Variants in KIAA1328 observed in about 807,000 individuals in gnomAD.
The protein encoded by KIAA1328 is protein hinderin.
A neutral mutation model predicts 68.1 loss-of-function variants in KIAA1328; 52 were observed. The observed-to-expected ratio is 0.76, with a 90% confidence interval of 0.61 to 0.96. The LOEUF (loss-of-function observed/expected upper bound fraction) is 0.96. Ranked by LOEUF, KIAA1328 falls within the 40% of genes least tolerant of loss-of-function variation. The pLI is 0.00. For missense variants in KIAA1328, 641 were observed against 677.6 expected, an observed-to-expected ratio of 0.95 and a Z score of 0.60; for synonymous variants, 232 against 239.4, an observed-to-expected ratio of 0.97 and a Z score of 0.28.
intron 5 of KIAA1328, among the ~76,000 whole-genome samples, chr18:36,897,081 T>C (rs1331641476): frequency 6.6e-6 from 1 of 152,110 alleles, no homozygotes; most frequent in Admixed American, 6.6e-5. Context: ...AAGTAGTGAA[T>C]ATAATTATGC....
In KIAA1328 at chr18:37,101,411, GTA is replaced by G. The variant is rs1262098295; in HGVS notation, c.1232+33868_1232+33869del. ...CCGATTCGATCAACTGGAAGAAAGG[GTA>G]TCAGTGATGGAAGATCAAATGAATG... On this transcript the variant is annotated intron_variant, in intron 7 of 9. Coordinates refer to ENST00000280020, the MANE Select transcript of KIAA1328 (RefSeq NM_020776.3). Among the ~76,000 whole-genome samples, 6 of 152,274 alleles carry G rather than the reference GTA, an allele frequency of 3.9e-5. No homozygotes were observed. In the East Asian group the frequency reaches 1.2e-3, roughly 29 times the overall value.
At chr18:37,142,486 G>A (rs1007330232) in intron 7 of KIAA1328, among the ~76,000 whole-genome samples, 3 of 152,016 alleles carry the variant, frequency 2.0e-5, no homozygotes, top group African/African-American at 7.2e-5. Flanking sequence ...GTGAGCTACC[G>A]CACCCAGCCC....
At chr18:36,972,939 T>C (rs1035192675) in intron 6 of KIAA1328, among the ~76,000 whole-genome samples, 5 of 152,254 alleles carry the variant, frequency 3.3e-5, no homozygotes, top group African/African-American at 1.2e-4. Flanking sequence ...TGTTCAGTTA[T>C]CTAAAGTTTT....
At chr18:37,182,107 G>A (rs2059710238) in intron 9 of KIAA1328, among the ~76,000 whole-genome samples, 1 of 152,154 alleles carries the variant, frequency 6.6e-6, no homozygotes, top group South Asian at 2.1e-4. Context: ...CATCTGTTCA[G>A]TATTGCCAGT....
intron 9 of KIAA1328, among the ~76,000 whole-genome samples, chr18:37,175,990 A>T (rs1479722853): frequency 1.3e-5 from 2 of 152,216 alleles, no homozygotes; most frequent in African/African-American, 4.8e-5. Flanking sequence ...GGTGTGGCAG[A>T]GTCATCTTTC....
At chr18:36,941,718 T>TA (rs1188828536) in intron 5 of KIAA1328, among the ~76,000 whole-genome samples, 1 of 152,204 alleles carries the variant, frequency 6.6e-6, no homozygotes, top group African/African-American at 2.4e-5. Context: ...TTTTGATATT[T>TA]ATTCATAATT....
At chr18:37,179,240 T>C (rs890320497) in intron 9 of KIAA1328, among the ~76,000 whole-genome samples, 14 of 152,338 alleles carry the variant, frequency 9.2e-5, no homozygotes, top group Middle Eastern at 6.8e-3. Context: ...TGATTTGATT[T>C]TTGTATCTGA....
chr18:36,941,061 A>G (rs2050692940), intron 5 of KIAA1328, among the ~76,000 whole-genome samples: 1 of 152,052 alleles, frequency 6.6e-6, no homozygotes, highest in Non-Finnish European at 1.5e-5. Flanking sequence ...CCATTTTTTG[A>G]GTCAGTTGGA....
Position 37,223,757 on chromosome 18 carries a change from G to A in KIAA1328, c.*1530G>A, listed in dbSNP as rs557578591. On this transcript the variant is annotated 3_prime_UTR_variant, in exon 10 of 10. Coordinates refer to ENST00000280020, the MANE Select transcript of KIAA1328 (RefSeq NM_020776.3). Reference sequence around the variant, plus strand: ...GTTGAGCAGCCTCCTTATCCAGATAGATCCAAAGCTCATGTCTCTTCAGGC... The same window carrying A: ...GTTGAGCAGCCTCCTTATCCAGATAAATCCAAAGCTCATGTCTCTTCAGGC... 1.0e-6 allele frequency: 1 copy of A among 985,346 alleles called. No individual in the cohort carries two copies. The highest frequency in any genetic ancestry group is 4.7e-5 in the South Asian group (1 of 21,274). 61.0% of individuals were successfully genotyped at this position (985,346 alleles called of 1,614,324 possible).
At chr18:37,112,947 G>A (rs1017064336) in intron 7 of KIAA1328, among the ~76,000 whole-genome samples, 1 of 152,126 alleles carries the variant, frequency 6.6e-6, no homozygotes, top group African/African-American at 2.4e-5. Context: ...AGTGAGAAGA[G>A]AAGTTTAGAG....
chr18:37,061,911 A>C (rs143631449), intron 6 of KIAA1328, among the ~76,000 whole-genome samples: 1 of 152,286 alleles, frequency 6.6e-6, no homozygotes, highest in African/African-American at 2.4e-5. Flanking sequence ...GTGCATACAG[A>C]GTGATAAATA....
At chr18:36,872,409 T>C (rs2047979077) in intron 4 of KIAA1328, among the ~76,000 whole-genome samples, 1 of 152,108 alleles carries the variant, frequency 6.6e-6, no homozygotes, top group South Asian at 2.1e-4. Flanking sequence ...ACTCATTAGA[T>C]GGACCCTCTA....
intron 7 of KIAA1328, among the ~76,000 whole-genome samples, chr18:37,159,387 A>G (rs2059227232): frequency 6.6e-6 from 1 of 152,114 alleles, no homozygotes; most frequent in Admixed American, 6.6e-5. Context: ...TTGTTTTTTG[A>G]GTAGCTGCCT....
At chr18:36,861,082 C>T (rs898773902) in intron 4 of KIAA1328, among the ~76,000 whole-genome samples, 4 of 152,008 alleles carry the variant, frequency 2.6e-5, no homozygotes, top group African/African-American at 9.7e-5. Context: ...CAAATATGTT[C>T]TTTTCTGTTC....
At position 37,222,915 on chromosome 18, in the gene KIAA1328, TG is replaced by T; in HGVS notation, c.*692del. On this transcript the variant is annotated 3_prime_UTR_variant, in exon 10 of 10. Transcript: ENST00000280020. The stretch of plus-strand genomic sequence containing the variant: ...AATCACATCAGGGAGTGATTAGTCC[TG>T]GGGAAATTCAGTGGAGGCACAAGCC... 1 of 985,876 alleles carries T rather than the reference TG, an allele frequency of 1.0e-6. No individual in the cohort carries two copies. The highest frequency in any genetic ancestry group is 1.2e-6 in the Non-Finnish European group (1 of 830,314). 61.1% of individuals were successfully genotyped at this position (985,876 alleles called of 1,614,324 possible).
At chr18:37,034,822 A>G (rs764852674) in intron 6 of KIAA1328, among the ~76,000 whole-genome samples, 14 of 152,232 alleles carry the variant, frequency 9.2e-5, no homozygotes, top group Non-Finnish European at 2.1e-4. Flanking sequence ...TAAAACATTC[A>G]GTCAACATTG....
intron 9 of KIAA1328, among the ~76,000 whole-genome samples, chr18:37,208,484 T>C (rs76607857): frequency 1.3e-5 from 2 of 152,114 alleles, no homozygotes; most frequent in African/African-American, 2.4e-5. Flanking sequence ...CAGGGTTAAA[T>C]TGGAGGCGAA....
chr18:37,078,252 G>A (rs960605305), intron 7 of KIAA1328, among the ~76,000 whole-genome samples: 15 of 152,140 alleles, frequency 9.9e-5, no homozygotes, highest in Non-Finnish European at 1.6e-4. Context: ...TTAATAAATG[G>A]TGCTGGGAAA....
At chr18:37,110,141 G>A (rs1248596838) in intron 7 of KIAA1328, among the ~76,000 whole-genome samples, 2 of 151,812 alleles carry the variant, frequency 1.3e-5, no homozygotes, top group Non-Finnish European at 2.9e-5. Context: ...TGCATATTTA[G>A]TTGTCATATC....
Sources: gnomAD v4.1 joint callset for allele counts (sites outside exome capture counted in the v4.1 genomes callset) on GRCh38, gnomAD v4.1.1 for gene constraint, MANE v1.5 for transcripts, NCBI Gene and HGNC (gene_info 2026-07-23, HGNC 2026-07-21) for gene names.